ZFPM2: variants seen among roughly 807,000 people sequenced by gnomAD.
The protein encoded by ZFPM2 is zinc finger protein, FOG family member 2.
ZFPM2 carries 20 observed loss-of-function variants against 98.6 expected under a neutral mutation model. The observed-to-expected ratio is 0.20, with a 90% CI of 0.14 to 0.29. ZFPM2 has a LOEUF of 0.29. Among genes scored for constraint, ZFPM2 ranks in the 10% least tolerant of loss-of-function variants. The probability of loss-of-function intolerance (pLI) is 1.00; values close to 1 mark genes in which losing one functional copy is unlikely to be tolerated. For synonymous variants in ZFPM2, 518 were observed against 502.7 expected, an observed-to-expected ratio of 1.03 and a Z score of -0.41; for missense variants, 1,310 against 1,388.6, an observed-to-expected ratio of 0.94 and a Z score of 0.90.
In ZFPM2 at chr8:105,510,936, G is replaced by T. The variant is rs571441681; in HGVS notation, c.302-50427G>T. On this transcript the variant is annotated intron_variant, in intron 3 of 7. Coordinates refer to ENST00000407775, the MANE Select transcript of ZFPM2 (RefSeq NM_012082.4). ...TTAGAAATTTTACCCTTTTCTTCGG[G>T]TTTCACATATTCACTTCAGAGTGCT... Among the ~76,000 whole-genome samples, 3 of 152,306 alleles carry T rather than the reference G, an allele frequency of 2.0e-5. No homozygotes were observed. In the East Asian group the frequency reaches 5.8e-4, roughly 29 times the overall value.
At chr8:105,497,052 CTGGGCTCACTGT>C (rs1261530748) in intron 3 of ZFPM2, among the ~76,000 whole-genome samples, 1 of 147,014 alleles carries the variant, frequency 6.8e-6, no homozygotes, top group Non-Finnish European at 1.5e-5. Context: ...GTGGCGAGAT[CTGGGCTCACTGT>C]GAGCTCCGCC....
intron 3 of ZFPM2, among the ~76,000 whole-genome samples, chr8:105,488,461 G>C (rs79024371): frequency 0.053 from 8,100 of 152,108 alleles, 778 homozygotes; most frequent in African/African-American, 0.19. Context: ...GAAACACAGG[G>C]TTAGAAAGGT....
At chr8:105,328,006 C>T (rs893732604) in intron 1 of ZFPM2, among the ~76,000 whole-genome samples, 4 of 151,628 alleles carry the variant, frequency 2.6e-5, no homozygotes, top group African/African-American at 9.7e-5. Flanking sequence ...TTTAATAAAA[C>T]CCTGTGAATT....
intron 1 of ZFPM2, among the ~76,000 whole-genome samples, chr8:105,385,069 A>G (rs966683814): frequency 6.6e-6 from 1 of 152,150 alleles, no homozygotes; most frequent in African/African-American, 2.4e-5. Context: ...GAAGTTACAA[A>G]GCCAGGATTC....
rs190607252 is a variant in ZFPM2, at chr8:105,378,521, T to G, written c.41-40623T>G. Among the ~76,000 whole-genome samples the G allele has an allele frequency of 9.9e-4, 151 of 152,350 alleles. 1 individual carries two copies. The highest frequency in any genetic ancestry group is 3.4e-3 in the Middle Eastern group (1 of 294). On this transcript the variant is annotated intron_variant, in intron 1 of 7. Coordinates refer to ENST00000407775, the MANE Select transcript of ZFPM2 (RefSeq NM_012082.4). ...AAGATGAAGCACTGTGTTTTGTTTATTTTAATTGCTCTGTTCCACATAATT... is the reference window on the plus strand; with the variant it reads ...AAGATGAAGCACTGTGTTTTGTTTAGTTTAATTGCTCTGTTCCACATAATT...
At chr8:105,498,071 G>GGTTA (rs1342589998) in intron 3 of ZFPM2, among the ~76,000 whole-genome samples, 1 of 150,442 alleles carries the variant, frequency 6.6e-6, no homozygotes, top group Non-Finnish European at 1.5e-5. Context: ...GGTGGTACAT[G>GGTTA]CTTGTGGTAC....
intron 5 of ZFPM2, among the ~76,000 whole-genome samples, chr8:105,713,270 T>C (rs1666343045): frequency 1.3e-5 from 2 of 152,096 alleles, no homozygotes; most frequent in Admixed American, 1.3e-4. Flanking sequence ...TGATTTGCAT[T>C]TCTTTGATGA....
intron 5 of ZFPM2, among the ~76,000 whole-genome samples, chr8:105,648,077 G>T (rs11986227): frequency 6.6e-6 from 1 of 151,888 alleles, no homozygotes; most frequent in Non-Finnish European, 1.5e-5. Context: ...ATTCTAACTG[G>T]TGTGAGATGG....
At chr8:105,677,492 A>G (rs371310442) in intron 5 of ZFPM2, among the ~76,000 whole-genome samples, 1 of 152,112 alleles carries the variant, frequency 6.6e-6, no homozygotes, top group Non-Finnish European at 1.5e-5. Flanking sequence ...CTAAAATTAA[A>G]CAATTCTCTT....
chr8:105,674,260 T>C (rs1817648721), intron 5 of ZFPM2, among the ~76,000 whole-genome samples: 1 of 152,174 alleles, frequency 6.6e-6, no homozygotes, highest in African/African-American at 2.4e-5. Context: ...TCACACAAAG[T>C]TGTGGAAGCT....
chr8:105,769,986 AC>A (rs1350329688), intron 5 of ZFPM2, among the ~76,000 whole-genome samples: 1 of 152,070 alleles, frequency 6.6e-6, no homozygotes, highest in African/African-American at 2.4e-5. Flanking sequence ...TGTGTTAAAA[AC>A]ATTCTCTTTT....
At chr8:105,797,833 C>T (rs1813878583) in intron 6 of ZFPM2, among the ~76,000 whole-genome samples, 1 of 152,228 alleles carries the variant, frequency 6.6e-6, no homozygotes, top group Non-Finnish European at 1.5e-5. Context: ...GCCTCTTTTC[C>T]ATGCCCTGGG....
intron 5 of ZFPM2, among the ~76,000 whole-genome samples, chr8:105,663,304 G>A (rs1386755709): frequency 6.6e-6 from 1 of 152,148 alleles, no homozygotes; most frequent in Non-Finnish European, 1.5e-5. Context: ...AAATTAACTT[G>A]TGATTGGGAT....
At chr8:105,542,126 A>T (rs1169655022) in intron 3 of ZFPM2, among the ~76,000 whole-genome samples, 2 of 152,168 alleles carry the variant, frequency 1.3e-5, no homozygotes, top group South Asian at 2.1e-4. Flanking sequence ...TATATGAAAA[A>T]TGGTTATTTT....
At chr8:105,499,702 A>G (rs1013686477) in intron 3 of ZFPM2, among the ~76,000 whole-genome samples, 1 of 152,042 alleles carries the variant, frequency 6.6e-6, no homozygotes, top group Non-Finnish European at 1.5e-5. Flanking sequence ...AACTCCTCAC[A>G]CCCTGTATAA....
At chr8:105,758,626 A>G (rs1323649263) in intron 5 of ZFPM2, among the ~76,000 whole-genome samples, 2 of 151,970 alleles carry the variant, frequency 1.3e-5, no homozygotes, top group Non-Finnish European at 2.9e-5. Context: ...TTATTGCTTC[A>G]TTTTTAGGAG....
At chr8:105,401,486 T>C (rs1811339641) in intron 1 of ZFPM2, among the ~76,000 whole-genome samples, 1 of 152,148 alleles carries the variant, frequency 6.6e-6, no homozygotes, top group Non-Finnish European at 1.5e-5. Flanking sequence ...TCCCATACTT[T>C]TTCTAGAGAA....
intron 3 of ZFPM2, among the ~76,000 whole-genome samples, chr8:105,473,642 A>C (rs1812952664): frequency 6.6e-6 from 1 of 152,208 alleles, no homozygotes; most frequent in Non-Finnish European, 1.5e-5. Flanking sequence ...TTCCTATTTT[A>C]ACAATCTTTT....
intron 4 of ZFPM2, among the ~76,000 whole-genome samples, chr8:105,611,760 G>A (rs2130800610): frequency 6.7e-6 from 1 of 149,930 alleles, no homozygotes; most frequent in Middle Eastern, 3.5e-3. Flanking sequence ...GTGCAATGGT[G>A]CGATCTTGGC....
Sources: gnomAD v4.1 joint callset for allele counts (sites outside exome capture counted in the v4.1 genomes callset) on GRCh38, gnomAD v4.1.1 for gene constraint, MANE v1.5 for transcripts, NCBI Gene and HGNC (gene_info 2026-07-23, HGNC 2026-07-21) for gene names.